The following ZFHX3 variants were observed in gnomAD, a reference collection of about 807,000 sequenced individuals.
The protein encoded by ZFHX3 is zinc finger homeobox 3.
ZFHX3 carries 42 observed loss-of-function variants against 279.1 expected under a neutral mutation model. The observed-to-expected ratio is 0.15, with a 90% CI of 0.12 to 0.19. The LOEUF (loss-of-function observed/expected upper bound fraction) is 0.19, where lower values mean the gene tolerates loss of function less well. Ranked by LOEUF, ZFHX3 falls within the 10% of genes least tolerant of loss-of-function variation. ZFHX3 has a pLI of 1.00. For synonymous variants in ZFHX3, 2,293 were observed against 1,957.8 expected (o/e 1.17, Z -4.52); for missense variants, 4,981 against 4,754.0 (o/e 1.05, Z -1.40).
intron 2 of ZFHX3, among the ~76,000 whole-genome samples, chr16:73,563,103 G>A (rs2020395465): frequency 6.6e-6 from 1 of 151,944 alleles, no homozygotes; most frequent in Non-Finnish European, 1.5e-5. Context: ...ACTTTGTCAA[G>A]GGAGGAGGTG....
chr16:73,053,369 G>A (rs1445355662), intron 1 of ZFHX3, among the ~76,000 whole-genome samples: 1 of 152,210 alleles, frequency 6.6e-6, no homozygotes, highest in East Asian at 1.9e-4. Context: ...AGGCTGCGGG[G>A]GCAAGGCCTT....
At chr16:73,045,595 A>G (rs934336971) in intron 1 of ZFHX3, among the ~76,000 whole-genome samples, 2 of 151,732 alleles carry the variant, frequency 1.3e-5, no homozygotes, top group African/African-American at 4.8e-5. Flanking sequence ...GAAGAAAAGG[A>G]ACCAAAATTA....
intron 4 of ZFHX3, among the ~76,000 whole-genome samples, chr16:73,302,807 A>T (rs1333816995): frequency 6.6e-6 from 1 of 152,212 alleles, no homozygotes; most frequent in African/African-American, 2.4e-5. Flanking sequence ...GCTGTGGAGA[A>T]GTCAGTGGCC....
chr16:72,986,963 C>T (rs987374665), intron 1 of ZFHX3, among the ~76,000 whole-genome samples: 5 of 152,070 alleles, frequency 3.3e-5, no homozygotes, highest in South Asian at 2.1e-4. Context: ...CTGGGTAACA[C>T]GACGAAAACA....
At chr16:73,578,297 T>C (rs141004006) in intron 2 of ZFHX3, among the ~76,000 whole-genome samples, 32 of 151,728 alleles carry the variant, frequency 2.1e-4, no homozygotes, top group African/African-American at 3.4e-4. Context: ...TATGGAATCA[T>C]AGATACATAA....
At chr16:73,261,552 A>T (rs1483014478) in intron 4 of ZFHX3, among the ~76,000 whole-genome samples, 4 of 152,140 alleles carry the variant, frequency 2.6e-5, no homozygotes, top group Non-Finnish European at 5.9e-5. Flanking sequence ...TAAGGTATTC[A>T]TTGAGAACTC....
At chr16:73,279,212 G>C (rs981145969) in intron 4 of ZFHX3, among the ~76,000 whole-genome samples, 2 of 151,906 alleles carry the variant, frequency 1.3e-5, no homozygotes, top group Non-Finnish European at 2.9e-5. Context: ...AAAGGTATTG[G>C]TTTTTCCCTC....
At chr16:72,889,487 T>TAA (rs372928371) in intron 4 of ZFHX3, among the ~76,000 whole-genome samples, 4 of 115,900 alleles carry the variant, frequency 3.5e-5, no homozygotes, top group South Asian at 2.7e-4. Flanking sequence ...CAATTTCCTT[T>TAA]AAAAAAAAAA....
chr16:73,234,799 A>G (rs1327306178), intron 5 of ZFHX3, among the ~76,000 whole-genome samples: 1 of 152,232 alleles, frequency 6.6e-6, no homozygotes, highest in Non-Finnish European at 1.5e-5. Context: ...TTGTTGGGGT[A>G]GGAAGTGTCT....
At chr16:73,482,631 T>G (rs2018889991) in intron 2 of ZFHX3, among the ~76,000 whole-genome samples, 1 of 152,146 alleles carries the variant, frequency 6.6e-6, no homozygotes, top group Non-Finnish European at 1.5e-5. Flanking sequence ...CTCCCCTCAC[T>G]CATAGTGATT....
intron 5 of ZFHX3, among the ~76,000 whole-genome samples, chr16:73,174,943 G>A (rs540859928): frequency 9.1e-4 from 137 of 151,080 alleles, no homozygotes; most frequent in African/African-American, 3.1e-3. Flanking sequence ...CAGGAGAAAC[G>A]CTTGAACCTG....
intron 2 of ZFHX3, among the ~76,000 whole-genome samples, chr16:73,638,030 G>C (rs1451724920): frequency 6.6e-6 from 1 of 152,114 alleles, no homozygotes; most frequent in Non-Finnish European, 1.5e-5. Context: ...CCCAGTGTTA[G>C]GTAGGATACA....
intron 8 of ZFHX3, among the ~76,000 whole-genome samples, chr16:73,077,186 A>C: frequency 6.6e-6 from 1 of 152,180 alleles, no homozygotes; most frequent in East Asian, 1.9e-4. Flanking sequence ...GAGCAGGTTC[A>C]AGCATCTTGC....
intron 1 of ZFHX3, among the ~76,000 whole-genome samples, chr16:73,767,229 G>A (rs532321466): frequency 2.6e-5 from 4 of 152,194 alleles, no homozygotes; most frequent in South Asian, 4.1e-4. Context: ...GAGCCACTGC[G>A]CCCAGCCTTT....
chr16:72,977,544 G>A (rs912333256), intron 1 of ZFHX3, among the ~76,000 whole-genome samples: 4 of 151,804 alleles, frequency 2.6e-5, no homozygotes, highest in East Asian at 1.9e-4. Flanking sequence ...ACCTGCACTC[G>A]ACTTTGAGTT....
intron 1 of ZFHX3, among the ~76,000 whole-genome samples, chr16:73,000,532 C>T (rs541696372): frequency 1.3e-5 from 2 of 152,246 alleles, no homozygotes; most frequent in African/African-American, 4.8e-5. Context: ...TCCTTGACTT[C>T]GTAAGTGGTG....
chr16:73,308,417 A>C, intron 4 of ZFHX3, among the ~76,000 whole-genome samples: 1 of 151,452 alleles, frequency 6.6e-6, no homozygotes, highest in African/African-American at 2.4e-5. Flanking sequence ...CAGTCTCCCT[A>C]GTAGCTGCGA....
intron 1 of ZFHX3, among the ~76,000 whole-genome samples, chr16:73,875,255 A>G (rs191960256): frequency 2.0e-5 from 3 of 151,924 alleles, no homozygotes; most frequent in African/African-American, 7.3e-5. Context: ...TTTAATATTT[A>G]TACACATGAC....
chr16:72,936,492 G>A (rs1960132706), intron 3 of ZFHX3, among the ~76,000 whole-genome samples: 1 of 152,188 alleles, frequency 6.6e-6, no homozygotes, highest in South Asian at 2.1e-4. Flanking sequence ...CTTGAGACTG[G>A]GTTGTCAGGG....
Sources: gnomAD v4.1 joint callset for allele counts (sites outside exome capture counted in the v4.1 genomes callset) on GRCh38, gnomAD v4.1.1 for gene constraint, MANE v1.5 for transcripts, NCBI Gene and HGNC (gene_info 2026-07-23, HGNC 2026-07-21) for gene names.